CNDP2: variants seen among roughly 807,000 people sequenced by gnomAD.
The protein encoded by CNDP2 is cytosolic non-specific dipeptidase.
CNDP2 carries 38 observed loss-of-function variants against 55.0 expected under a neutral mutation model. The ratio of observed to expected loss-of-function variants is 0.69; its 90% CI spans 0.53 to 0.90. The LOEUF (loss-of-function observed/expected upper bound fraction) is 0.90, where lower values mean the gene tolerates loss of function less well. Ranked by LOEUF, CNDP2 falls within the 40% of genes least tolerant of loss-of-function variation. CNDP2 has a pLI of 0.00. For missense variants in CNDP2, 607 were observed against 621.7 expected, an observed-to-expected ratio of 0.98 and a Z score of 0.25; for synonymous variants, 241 against 260.2, an observed-to-expected ratio of 0.93 and a Z score of 0.71.
At chr18:74,505,491 T>A (rs930049940) in intron 3 of CNDP2, among the ~76,000 whole-genome samples, 2 of 151,560 alleles carry the variant, frequency 1.3e-5, no homozygotes, top group African/African-American at 4.9e-5. Context: ...CCCAGCTACT[T>A]GGGCGGTTGA....
At position 74,505,960 on chromosome 18, in the gene CNDP2, G is replaced by A; in HGVS notation, c.316G>A (p.Ala106Thr). The A allele has an allele frequency of 2.5e-6, 4 of 1,610,546 alleles. No homozygotes were observed. Among genetic ancestry groups the A allele is most frequent in the Non-Finnish European group, 3.4e-6 (4 of 1,179,046 alleles). The change falls in exon 4 of 12, where the codon GCC becomes ACC. Residue 106 changes from alanine to threonine, a missense_variant. Ala to Thr is a moderately conservative substitution (Grantham distance 58). Transcript: ENST00000324262. ...IYGHLDVQPA[A>T]LEDGWDSEPF... Reference sequence around the variant, plus strand: ...CGGGCACCTGGATGTGCAGCCTGCAGCCCTGGAGGACGGCTGGGACAGCGA... The same window carrying A: ...CGGGCACCTGGATGTGCAGCCTGCAACCCTGGAGGACGGCTGGGACAGCGA...
In CNDP2 at chr18:74,521,655, A is replaced by G. The variant is rs965451411; in HGVS notation, c.*1587A>G. On this transcript the variant is annotated 3_prime_UTR_variant, in exon 12 of 12. Transcript: ENST00000324262. Reference sequence around the variant, plus strand: ...TTTACCATGGAATAAACAACAATCCATGAGTCCATACTAATATAAATAAAG... The same window carrying G: ...TTTACCATGGAATAAACAACAATCCGTGAGTCCATACTAATATAAATAAAG... 6.6e-6 allele frequency: 1 copy of G among 152,224 alleles called. No individual in the cohort carries two copies. The highest frequency in any genetic ancestry group is 1.5e-5 in the Non-Finnish European group (1 of 68,042). 9.4% of individuals were successfully genotyped at this position (152,224 alleles called of 1,614,324 possible). A position where few individuals can be genotyped will look rare whatever the true frequency, so the allele number is the denominator to read the frequency against.
At chr18:74,518,880 T>C (rs1375823099) in intron 10 of CNDP2, 69 bp from the exon 11 acceptor site, 13 of 1,597,306 alleles carry the variant, frequency 8.1e-6, no homozygotes, top group African/African-American at 1.3e-5. Context: ...TACTGAGTAG[T>C]GGTCTGAGAC....
rs1979406665 is a variant in CNDP2, at chr18:74,512,447, G to A, written c.658-1G>A. ...ACACAGTGGCCTTTGTTTCCGTGCAGGTGGAGTGCAGCAACAAAGACCTCC... is the reference window on the plus strand; with the variant it reads ...ACACAGTGGCCTTTGTTTCCGTGCAAGTGGAGTGCAGCAACAAAGACCTCC... On this transcript the variant is annotated splice_acceptor_variant, in intron 6 of 11. Transcript: ENST00000324262. LOFTEE classifies it high-confidence loss of function. 6.2e-7 allele frequency: 1 copy of A among 1,613,460 alleles called. No individual in the cohort carries two copies. Among genetic ancestry groups the A allele is most frequent in the Non-Finnish European group, 8.5e-7 (1 of 1,179,588 alleles).
intron 6 of CNDP2, among the ~76,000 whole-genome samples, chr18:74,511,634 G>A (rs1283976296): frequency 6.6e-6 from 1 of 151,996 alleles, no homozygotes; most frequent in East Asian, 1.9e-4. Context: ...CTTGAACCCG[G>A]GAGGTGGAGG....
chr18:74,499,751 C>G, intron 1 of CNDP2, 131 bp from the exon 2 acceptor site: 1 of 442,400 alleles, frequency 2.3e-6, no homozygotes. Flanking sequence ...GCCCCAGCCT[C>G]TAACTGGTTC....
In CNDP2 at chr18:74,515,564, AG is replaced by A. The variant is rs562056412; in HGVS notation, c.904-662del. ...TACACATTCAGTGGATAAGTCACTG[AG>A]GAACCTTCTGGAAGCCCCCTTTGGG... On this transcript the variant is annotated intron_variant, in intron 8 of 11. Transcript: ENST00000324262. Among the ~76,000 whole-genome samples the A allele has an allele frequency of 7.0e-3, 1,068 of 152,308 alleles. 5 individuals carry two copies. Among genetic ancestry groups the A allele is most frequent in the South Asian group, 0.027 (130 of 4,828 alleles).
At chr18:74,509,075 G>C (rs1249429613) in intron 5 of CNDP2, 147 bp downstream of exon 5, 22 of 608,126 alleles carry the variant, frequency 3.6e-5, no homozygotes, top group Non-Finnish European at 2.6e-5. Flanking sequence ...CAGATGACTC[G>C]GATGTAAGAG....
intron 9 of CNDP2, 168 bp from the exon 10 acceptor site, chr18:74,518,331 A>G (rs1979826518): frequency 1.6e-6 from 1 of 630,862 alleles, no homozygotes; most frequent in African/African-American, 1.8e-5. Flanking sequence ...AGTATTAAGC[A>G]ACAGAAAATG....
At chr18:74,500,909 C>A (rs1475023582) in intron 2 of CNDP2, among the ~76,000 whole-genome samples, 1 of 152,182 alleles carries the variant, frequency 6.6e-6, no homozygotes, top group Non-Finnish European at 1.5e-5. Context: ...AGAAACAGAA[C>A]AGGGCAGGGA....
rs1980128749 is a variant in CNDP2 at position 74,522,808 on chromosome 18, T to A, written c.*2740T>A. The stretch of plus-strand genomic sequence containing the variant: ...AAAAAGCAGCCTACGGCAGTCACCG[T>A]GCTAACACCTGCAGCAGCCTGCGGC... On this transcript the variant is annotated 3_prime_UTR_variant, in exon 12 of 12. Coordinates refer to ENST00000324262, the MANE Select transcript of CNDP2 (RefSeq NM_018235.3). The A allele has an allele frequency of 6.6e-6, 1 of 152,336 alleles. No individual in the cohort carries two copies. Among genetic ancestry groups the A allele is most frequent in the African/African-American group, 2.4e-5 (1 of 41,472 alleles). The allele number at this position is 152,336 out of a possible 1,614,324, so 9.4% of individuals were successfully genotyped here. A position where few individuals can be genotyped will look rare whatever the true frequency, so the allele number is the denominator to read the frequency against.
At chr18:74,506,383 A>ATG (rs1175008613) in intron 4 of CNDP2, among the ~76,000 whole-genome samples, 4 of 151,564 alleles carry the variant, frequency 2.6e-5, no homozygotes, top group Non-Finnish European at 4.4e-5. Flanking sequence ...GATCCCCCCC[A>ATG]CCTCAGCCTC....
intron 11 of CNDP2, 52 bp from the exon 12 acceptor site, chr18:74,519,947 G>A (rs930654752): frequency 4.9e-5 from 76 of 1,541,898 alleles, no homozygotes; most frequent in Non-Finnish European, 6.8e-5. Context: ...CCCCACACCT[G>A]GGTGTTGGCT....
At position 74,503,073 on chromosome 18, in the gene CNDP2, G is replaced by GTTT. The variant is rs72527615; in HGVS notation, c.204+1612_204+1614dup. On this transcript the variant is annotated intron_variant, in intron 3 of 11. Transcript: ENST00000324262. ...GGTCAGACTCACCTTGCTCCCTTTCGTTTTTTTTTTTTTCCTAATATATTG... is the reference window on the plus strand; with the variant it reads ...GGTCAGACTCACCTTGCTCCCTTTCGTTTTTTTTTTTTTTTTCCTAATATATTG... 5.1e-3 allele frequency among the ~76,000 whole-genome samples: 720 copies of GTTT among 142,176 alleles called. 12 individuals carry two copies. The highest frequency in any genetic ancestry group is 0.017 in the African/African-American group (638 of 36,898). 93.3% of individuals were successfully genotyped at this position (142,176 alleles called of 152,430 possible). A position where few individuals can be genotyped will look rare whatever the true frequency, so the allele number is the denominator to read the frequency against.
intron 2 of CNDP2, among the ~76,000 whole-genome samples, chr18:74,500,683 A>C (rs1436108620): frequency 6.6e-6 from 1 of 152,252 alleles, no homozygotes; most frequent in African/African-American, 2.4e-5. Context: ...AGGACAAGCC[A>C]CAGACAAAAC....
In CNDP2 at chr18:74,516,337, G is replaced by A; in HGVS notation, c.1013G>A (p.Gly338Asp). 4.3e-6 allele frequency: 7 copies of A among 1,614,096 alleles called. No homozygotes were observed. Among genetic ancestry groups the A allele is most frequent in the Non-Finnish European group, 5.9e-6 (7 of 1,179,994 alleles). The change falls in exon 9 of 12, where the codon GGC (glycine) becomes GAC (aspartate). Residue 338 changes from glycine (G) to aspartate (D), a missense_variant. Physicochemically the swap from Gly to Asp is moderately conservative, Grantham distance 94. Transcript: ENST00000324262. ...ACCGTGATTCCCAGGAAGGTGGTTGGCAAGTTCTCCATCAGGCTCGTGCCG... is the reference window on the plus strand; with the variant it reads ...ACCGTGATTCCCAGGAAGGTGGTTGACAAGTTCTCCATCAGGCTCGTGCCG... The part of the protein sequence containing the change: ...AKTVIPRKVV[G>D]KFSIRLVPNM...
rs1021804098 is a variant in CNDP2 at position 74,521,907 on chromosome 18, C to A, written c.*1839C>A. On this transcript the variant is annotated 3_prime_UTR_variant, in exon 12 of 12. Transcript: ENST00000324262. ...AGTGGAGAGACCTGGCAGGCACCAC[C>A]CTCAGATCAAAATGAACCTCAGCAG... 1 of 152,326 alleles carries A rather than the reference C, an allele frequency of 6.6e-6. No individual in the cohort carries two copies. The highest frequency in any genetic ancestry group is 1.5e-5 in the Non-Finnish European group (1 of 68,102). The allele number at this position is 152,326 out of a possible 1,614,324, so 9.4% of individuals were successfully genotyped here.
intron 3 of CNDP2, among the ~76,000 whole-genome samples, chr18:74,502,018 T>C (rs1978731655): frequency 6.6e-6 from 1 of 152,144 alleles, no homozygotes; most frequent in Non-Finnish European, 1.5e-5. Flanking sequence ...TTCAGCCTCC[T>C]GAGTAGCTGG....
chr18:74,504,541 T>C (rs1001372179), intron 3 of CNDP2, among the ~76,000 whole-genome samples: 7 of 152,262 alleles, frequency 4.6e-5, no homozygotes, highest in African/African-American at 1.7e-4. Flanking sequence ...GACACTTTTC[T>C]CAGCCTATCA....
Sources: gnomAD v4.1 joint callset for allele counts (sites outside exome capture counted in the v4.1 genomes callset) on GRCh38, gnomAD v4.1.1 for gene constraint, MANE v1.5 for transcripts, NCBI Gene and HGNC (gene_info 2026-07-23, HGNC 2026-07-21) for gene names.